ZNF804B: variants seen among roughly 807,000 people sequenced by gnomAD.
The protein encoded by ZNF804B is zinc finger protein 804B.
Under a neutral mutation model 101.4 loss-of-function variants are expected in ZNF804B, and 80 were observed. The ratio of observed to expected loss-of-function variants is 0.79; its 90% CI spans 0.66 to 0.95. The LOEUF (loss-of-function observed/expected upper bound fraction) is 0.95. Among genes scored for constraint, ZNF804B ranks in the 40% least tolerant of loss-of-function variants. The probability of loss-of-function intolerance (pLI) is 0.00; values close to 1 mark genes in which losing one functional copy is unlikely to be tolerated. For synonymous variants in ZNF804B, 622 were observed against 558.8 expected, an observed-to-expected ratio of 1.11 and a Z score of -1.59; for missense variants, 1,673 against 1,561.9, an observed-to-expected ratio of 1.07 and a Z score of -1.20.
At chr7:89,029,914 A>C (rs1788804221) in intron 1 of ZNF804B, among the ~76,000 whole-genome samples, 1 of 152,222 alleles carries the variant, frequency 6.6e-6, no homozygotes, top group South Asian at 2.1e-4. Context: ...TCAGTACAAA[A>C]AGAAAAGGCT....
chr7:88,925,371 C>A (rs73202721), intron 1 of ZNF804B, among the ~76,000 whole-genome samples: 9,880 of 152,128 alleles, frequency 0.065, 473 homozygotes, highest in South Asian at 0.16. Flanking sequence ...CAAAAAGTAA[C>A]CATTTTGAAG....
At chr7:88,831,604 A>C (rs528953365) in intron 1 of ZNF804B, among the ~76,000 whole-genome samples, 1 of 151,914 alleles carries the variant, frequency 6.6e-6, no homozygotes, top group African/African-American at 2.4e-5. Context: ...TTCAATTTGA[A>C]CTCCCTTTGA....
chr7:89,071,647 G>A (rs1347493894), intron 1 of ZNF804B, among the ~76,000 whole-genome samples: 3 of 151,922 alleles, frequency 2.0e-5, no homozygotes, highest in Non-Finnish European at 2.9e-5. Flanking sequence ...CTCAAATTCA[G>A]GTCAATTTTG....
intron 1 of ZNF804B, among the ~76,000 whole-genome samples, chr7:88,929,621 T>A (rs974665637): frequency 6.6e-6 from 1 of 151,964 alleles, no homozygotes; most frequent in African/African-American, 2.4e-5. Context: ...GTTCTTAAAA[T>A]TTTCAGTCTC....
chr7:89,156,843 G>C (rs1790986397), intron 1 of ZNF804B, among the ~76,000 whole-genome samples: 1 of 152,086 alleles, frequency 6.6e-6, no homozygotes, highest in Admixed American at 6.6e-5. Flanking sequence ...CACCTATCAA[G>C]GTGTTTCTTA....
rs140525874 is a variant in ZNF804B at position 88,817,346 on chromosome 7, C to A, written c.108+57262C>A. 5.5e-3 allele frequency among the ~76,000 whole-genome samples: 840 copies of A among 151,882 alleles called. 4 individuals carry two copies. Among genetic ancestry groups the A allele is most frequent in the Non-Finnish European group, 7.4e-3 (504 of 67,912 alleles). On this transcript the variant is annotated intron_variant, in intron 1 of 3. Coordinates refer to ENST00000333190, the MANE Select transcript of ZNF804B (RefSeq NM_181646.5). ...GTATACATATGTAACAAACCTGCAC[C>A]TTGTGCACATGTACGCTAGAACTTA...
chr7:89,031,451 G>C (rs1315057306), intron 1 of ZNF804B, among the ~76,000 whole-genome samples: 2 of 151,808 alleles, frequency 1.3e-5, no homozygotes, highest in Non-Finnish European at 2.9e-5. Context: ...TTTTCTCTCA[G>C]TCTCCAAAAA....
intron 1 of ZNF804B, among the ~76,000 whole-genome samples, chr7:89,021,171 C>A (rs1171661796): frequency 6.6e-6 from 1 of 152,066 alleles, no homozygotes; most frequent in Non-Finnish European, 1.5e-5. Context: ...GGTGCACGGG[C>A]TTTGATTCTA....
At chr7:89,312,521 T>C (rs770544906) in intron 2 of ZNF804B, among the ~76,000 whole-genome samples, 2 of 152,200 alleles carry the variant, frequency 1.3e-5, no homozygotes, top group Non-Finnish European at 2.9e-5. Flanking sequence ...TGTGGCACAA[T>C]TGGTCCTTAG....
chr7:88,879,530 ATGTG>A (rs1792001124), intron 1 of ZNF804B, among the ~76,000 whole-genome samples: 1 of 152,172 alleles, frequency 6.6e-6, no homozygotes, highest in Non-Finnish European at 1.5e-5. Flanking sequence ...GGGAGATCAT[ATGTG>A]TGTATGTATG....
At chr7:89,125,142 G>T (rs796673765) in intron 1 of ZNF804B, among the ~76,000 whole-genome samples, 2 of 151,704 alleles carry the variant, frequency 1.3e-5, no homozygotes, top group African/African-American at 2.4e-5. Context: ...GCTTAAGGGG[G>T]TGTCTGGCAG....
chr7:89,145,657 A>G (rs1242603253), intron 1 of ZNF804B, among the ~76,000 whole-genome samples: 2 of 152,030 alleles, frequency 1.3e-5, no homozygotes, highest in Non-Finnish European at 1.5e-5. Context: ...AATTTAATAC[A>G]TTCATTGACT....
rs531834832 is a variant in ZNF804B at position 88,764,537 on chromosome 7, T to A, written c.108+4453T>A. ...ACAAGCATTTTAAATGGACCAACAA[T>A]CTGCTACAGAATTCTCTTGATAAAT... On this transcript the variant is annotated intron_variant, in intron 1 of 3. Transcript: ENST00000333190. 2.7e-4 allele frequency among the ~76,000 whole-genome samples: 41 copies of A among 152,172 alleles called. 1 individual carries two copies. The South Asian group carries it at 8.5e-3, about 32-fold the overall frequency.
At chr7:89,096,882 C>T (rs949218676) in intron 1 of ZNF804B, among the ~76,000 whole-genome samples, 16 of 152,186 alleles carry the variant, frequency 1.1e-4, no homozygotes, top group African/African-American at 1.7e-4. Flanking sequence ...ATGAAACTGG[C>T]ACTTCGGTGA....
At chr7:89,270,156 T>TG (rs757311839) in intron 2 of ZNF804B, among the ~76,000 whole-genome samples, 4 of 152,174 alleles carry the variant, frequency 2.6e-5, no homozygotes, top group Non-Finnish European at 5.9e-5. Flanking sequence ...ATGTCCTGAA[T>TG]GGTATTGCCT....
chr7:89,261,142 CTA>C (rs1789706817), intron 2 of ZNF804B, among the ~76,000 whole-genome samples: 1 of 152,212 alleles, frequency 6.6e-6, no homozygotes, highest in East Asian at 1.9e-4. Flanking sequence ...AGAGTAAGTA[CTA>C]TAGTTAATTT....
At chr7:89,168,834 G>C (rs886938953) in intron 1 of ZNF804B, among the ~76,000 whole-genome samples, 4 of 152,008 alleles carry the variant, frequency 2.6e-5, no homozygotes, top group African/African-American at 7.3e-5. Context: ...ATTGATACTT[G>C]TGAAGCTATA....
intron 1 of ZNF804B, among the ~76,000 whole-genome samples, chr7:88,940,783 TAA>T (rs1030179475): frequency 1.3e-4 from 19 of 145,176 alleles, no homozygotes; most frequent in African/African-American, 4.6e-4. Context: ...ATAATAATAA[TAA>T]TAATAATAAT....
intron 2 of ZNF804B, among the ~76,000 whole-genome samples, chr7:89,287,418 C>A (rs73401107): frequency 0.037 from 5,594 of 152,244 alleles, 315 homozygotes; most frequent in African/African-American, 0.13. Flanking sequence ...CTCAAATTTT[C>A]TCAGATTTTC....
Sources: gnomAD v4.1 joint callset for allele counts (sites outside exome capture counted in the v4.1 genomes callset) on GRCh38, gnomAD v4.1.1 for gene constraint, MANE v1.5 for transcripts, NCBI Gene and HGNC (gene_info 2026-07-23, HGNC 2026-07-21) for gene names.